Variants in HCRTR2 observed in about 807,000 individuals in gnomAD.
HCRTR2 encodes orexin receptor type 2.
In HCRTR2, 22 loss-of-function variants were observed where a neutral mutation model predicts 49.0. The ratio of observed to expected loss-of-function variants is 0.45; its 90% CI spans 0.32 to 0.64. HCRTR2 has a LOEUF of 0.64. Among genes scored for constraint, HCRTR2 ranks in the 30% least tolerant of loss-of-function variants. The pLI is 0.04. For missense variants in HCRTR2, 491 were observed against 559.4 expected, an observed-to-expected ratio of 0.88 and a Z score of 1.23; for synonymous variants, 236 against 205.3, an observed-to-expected ratio of 1.15 and a Z score of -1.28.
chr6:55,233,258 T>A (rs982841095), intron 1 of HCRTR2, among the ~76,000 whole-genome samples: 1 of 152,008 alleles, frequency 6.6e-6, no homozygotes, highest in Non-Finnish European at 1.5e-5. Context: ...TCAGCTAATT[T>A]TCTGTATTTT....
At chr6:55,275,288 T>G (rs891743017) in intron 4 of HCRTR2, among the ~76,000 whole-genome samples, 1 of 152,176 alleles carries the variant, frequency 6.6e-6, no homozygotes, top group African/African-American at 2.4e-5. Flanking sequence ...GTGCATGTAT[T>G]TTACTTAATC....
At chr6:55,257,380 A>G (rs1328973824) in intron 3 of HCRTR2, among the ~76,000 whole-genome samples, 10 of 152,114 alleles carry the variant, frequency 6.6e-5, no homozygotes, top group Admixed American at 6.6e-4. Context: ...CCAACTTGTA[A>G]GTTGGGATTC....
At chr6:55,189,850 C>A (rs2127277738) in intron 1 of HCRTR2, among the ~76,000 whole-genome samples, 1 of 152,056 alleles carries the variant, frequency 6.6e-6, no homozygotes, top group Non-Finnish European at 1.5e-5. Context: ...TCGTTTTTTT[C>A]TTAAAATGGG....
chr6:55,248,562 T>A, intron 1 of HCRTR2, 77 bp from the exon 2 acceptor site: 1 of 1,176,006 alleles, frequency 8.5e-7, no homozygotes, highest in Non-Finnish European at 1.3e-6. Flanking sequence ...GTGGACTTTA[T>A]AGAAATACTG....
At chr6:55,218,589 C>T (rs1041383575) in intron 1 of HCRTR2, among the ~76,000 whole-genome samples, 1 of 152,046 alleles carries the variant, frequency 6.6e-6, no homozygotes. Flanking sequence ...TGAATGGTAA[C>T]CAGATGAGAG....
intron 1 of HCRTR2, among the ~76,000 whole-genome samples, chr6:55,238,075 T>C (rs1369838937): frequency 6.6e-6 from 1 of 152,188 alleles, no homozygotes; most frequent in Non-Finnish European, 1.5e-5. Context: ...AAATGCCAAC[T>C]GGGTATTGAC....
chr6:55,119,215 C>T lies in HCRTR2; in HGVS notation c.-378+12670C>T, dbSNP rs1210180918. On this transcript the variant is annotated intron_variant, in intron 1 of 7. Coordinates refer to the HCRTR2 transcript ENST00000615358. ...ATGGGCGTTTGGGTTGGTTCCAAGT[C>T]TTGGCTATTGTGAATAGTGCCACAA... 3.3e-5 allele frequency among the ~76,000 whole-genome samples: 5 copies of T among 152,124 alleles called. No individual in the cohort carries two copies. The Middle Eastern group carries it at 0.01, about 310-fold the overall frequency.
chr6:55,137,020 T>C (rs932987281), intron 1 of HCRTR2, among the ~76,000 whole-genome samples: 1 of 152,150 alleles, frequency 6.6e-6, no homozygotes, highest in African/African-American at 2.4e-5. Flanking sequence ...AGTCACATGG[T>C]GGAAAATCTC....
chr6:55,205,840 G>GC (rs1765591134), intron 1 of HCRTR2, among the ~76,000 whole-genome samples: 1 of 151,678 alleles, frequency 6.6e-6, no homozygotes, highest in Admixed American at 6.6e-5. Context: ...CTGGTATAAC[G>GC]CAACTCTATT....
At chr6:55,281,628 C>T (rs1767192272) in intron 6 of HCRTR2, among the ~76,000 whole-genome samples, 1 of 152,196 alleles carries the variant, frequency 6.6e-6, no homozygotes, top group Non-Finnish European at 1.5e-5. Flanking sequence ...TTCATTCATT[C>T]TCATAGTTCT....
chr6:55,277,323 C>CT, intron 4 of HCRTR2, 57 bp from the exon 5 acceptor site: 1 of 1,441,354 alleles, frequency 6.9e-7, no homozygotes, highest in Non-Finnish European at 9.8e-7. Context: ...ATTACTTCCC[C>CT]AAAGTGGAAC....
intron 4 of HCRTR2, among the ~76,000 whole-genome samples, chr6:55,274,162 C>T (rs948205546): frequency 1.3e-5 from 2 of 149,414 alleles, no homozygotes; most frequent in Non-Finnish European, 3.0e-5. Flanking sequence ...AATACTAAGC[C>T]TTTTAATGCA....
At chr6:55,163,288 A>G (rs1052162518) in intron 1 of HCRTR2, among the ~76,000 whole-genome samples, 4 of 152,064 alleles carry the variant, frequency 2.6e-5, no homozygotes, top group African/African-American at 7.2e-5. Context: ...TAAATTTCTT[A>G]TGGAACTAAA....
intron 1 of HCRTR2, among the ~76,000 whole-genome samples, chr6:55,120,931 T>C (rs1581782134): frequency 6.6e-6 from 1 of 152,098 alleles, no homozygotes; most frequent in Non-Finnish European, 1.5e-5. Context: ...TTTGTTCTTT[T>C]GGCTTAGGAT....
At chr6:55,172,156 C>T (rs1381420495), upstream of HCRTR2, among the ~76,000 whole-genome samples, 1 of 152,158 alleles carries the variant, frequency 6.6e-6, no homozygotes, top group African/African-American at 2.4e-5. Flanking sequence ...TGGATAATAG[C>T]ATTAGAATTT....
chr6:55,226,711 GTT>G (rs777871106), intron 1 of HCRTR2, among the ~76,000 whole-genome samples: 6,947 of 73,208 alleles, frequency 0.095, 34 homozygotes, highest in East Asian at 0.12. Flanking sequence ...AATTCCAGGT[GTT>G]TTTTTTTTTT....
intron 1 of HCRTR2, among the ~76,000 whole-genome samples, chr6:55,131,433 T>C (rs1440643097): frequency 6.6e-6 from 1 of 151,804 alleles, no homozygotes; most frequent in Admixed American, 6.6e-5. Context: ...TTCAAAGATG[T>C]TTGTAACTTA....
intron 4 of HCRTR2, among the ~76,000 whole-genome samples, chr6:55,266,747 T>C (rs1766867876): frequency 6.6e-6 from 1 of 152,160 alleles, no homozygotes; most frequent in Non-Finnish European, 1.5e-5. Context: ...CATGATACCA[T>C]GGTTACCCTA....
Position 55,225,989 on chromosome 6 carries a change from T to G in HCRTR2, c.224-22650T>G, listed in dbSNP as rs144463650. 6.6e-3 allele frequency among the ~76,000 whole-genome samples: 998 copies of G among 152,330 alleles called. 10 individuals carry two copies. The highest frequency in any genetic ancestry group is 0.022 in the African/African-American group (899 of 41,578). On this transcript the variant is annotated intron_variant, in intron 1 of 6. Transcript: ENST00000370862. The stretch of plus-strand genomic sequence containing the variant: ...TGTTAAAAAGACAGCCTAAGCTGTT[T>G]TGTGCTTCCTCCCTAGTTGGGCATC...
Sources: allele counts gnomAD v4.1 joint callset (sites outside exome capture counted in the v4.1 genomes callset), GRCh38; gene constraint gnomAD v4.1.1; transcripts MANE v1.5; gene names NCBI Gene and HGNC (gene_info 2026-07-23, HGNC 2026-07-21).